EYS: variants seen among roughly 807,000 people sequenced by gnomAD.
EYS encodes EGF-like photoreceptor maintenance factor, also known as protein eyes shut homolog.
In EYS, 250 loss-of-function variants were observed where a neutral mutation model predicts 282.1. That is an observed-to-expected ratio of 0.89 (90% CI 0.80 to 0.98). The LOEUF (loss-of-function observed/expected upper bound fraction) is 0.98. Ranked by LOEUF, EYS falls within the 50% of genes least tolerant of loss-of-function variation. EYS has a pLI of 0.00. For synonymous variants in EYS, 1,355 were observed against 1,282.9 expected (o/e 1.06, Z -1.20); for missense variants, 4,016 against 3,709.0 (o/e 1.08, Z -2.15).
At chr6:64,919,429 T>TTC in intron 15 of EYS, among the ~76,000 whole-genome samples, 1 of 150,204 alleles carries the variant, frequency 6.7e-6, no homozygotes, top group Admixed American at 6.6e-5. Context: ...CTTTTTTTTT[T>TTC]TTTTGTGAGG....
Position 63,790,903 on chromosome 6 carries a change from A to G in EYS, c.7412-1679T>C, listed in dbSNP as rs143180822. Among the ~76,000 whole-genome samples, 7 of 152,214 alleles carry G rather than the reference A, an allele frequency of 4.6e-5. No individual in the cohort carries two copies. The East Asian group carries it at 1.2e-3, about 25-fold the overall frequency. On this transcript the variant is annotated intron_variant, in intron 37 of 42. Coordinates refer to ENST00000503581, the MANE Select transcript of EYS (RefSeq NM_001142800.2). ...CCGAGCTGTAAGGTAGTGGGAGGGCATATTCATTTCAGCTGTATCCTTCCT... is the reference window on the plus strand; with the variant it reads ...CCGAGCTGTAAGGTAGTGGGAGGGCGTATTCATTTCAGCTGTATCCTTCCT...
At chr6:65,236,900 C>T (rs1257075370) in intron 12 of EYS, among the ~76,000 whole-genome samples, 1 of 152,074 alleles carries the variant, frequency 6.6e-6, no homozygotes, top group African/African-American at 2.4e-5. Flanking sequence ...TTGGCCAATA[C>T]AATGAATGTG....
chr6:65,157,784 G>C (rs751971790), intron 12 of EYS, among the ~76,000 whole-genome samples: 2 of 149,962 alleles, frequency 1.3e-5, no homozygotes, highest in Non-Finnish European at 3.0e-5. Context: ...ATATTTTTAT[G>C]ACAGGTTTTT....
Position 65,057,663 on chromosome 6 carries a change from G to A in EYS, c.2088C>T (p.Cys696=). 1 of 1,551,156 alleles carries A rather than the reference G, an allele frequency of 6.4e-7. No homozygotes were observed. Among genetic ancestry groups the A allele is most frequent in the Non-Finnish European group, 8.7e-7 (1 of 1,146,638 alleles). ...ASHPCKNGAT[C]IDQPGNYFCQ... is the part of the protein sequence containing the mutation. ...AGAAGTAATTACCAGGTTGGTCAAT[G>A]CAGGTGGCTCCATTTTTGCAGGGAT... The change falls in exon 13 of 43, where the codon TGC becomes TGT. Residue 696 remains cysteine (C), a synonymous_variant. Coordinates refer to ENST00000503581, the MANE Select transcript of EYS (RefSeq NM_001142800.2).
chr6:64,610,144 T>C (rs1767062871), intron 24 of EYS, among the ~76,000 whole-genome samples: 2 of 152,038 alleles, frequency 1.3e-5, no homozygotes, highest in South Asian at 4.1e-4. Context: ...GTTCATGCTG[T>C]AAGTGAAGAA....
At chr6:64,660,470 T>C (rs1000238139) in intron 22 of EYS, among the ~76,000 whole-genome samples, 2 of 152,006 alleles carry the variant, frequency 1.3e-5, no homozygotes, top group African/African-American at 2.4e-5. Flanking sequence ...GATGACATGA[T>C]TTTATATCTA....
intron 30 of EYS, among the ~76,000 whole-genome samples, chr6:64,235,120 G>C (rs1780812439): frequency 6.7e-6 from 1 of 149,698 alleles, no homozygotes; most frequent in Non-Finnish European, 1.5e-5. Context: ...TTAAGTTTTA[G>C]GGTACATGTG....
Position 65,075,478 on chromosome 6 carries a change from A to C in EYS, c.2024-17751T>G, listed in dbSNP as rs567531009. On this transcript the variant is annotated intron_variant, in intron 12 of 42. Transcript: ENST00000503581. The stretch of plus-strand genomic sequence containing the variant: ...TAGTTGCTAATTTATGTGTTTTTCT[A>C]TATAGTTTTAGAATTACTAAAAGCT... Among the ~76,000 whole-genome samples, 60 of 152,134 alleles carry C rather than the reference A, an allele frequency of 3.9e-4. 1 individual carries two copies. In the East Asian group the frequency reaches 4.1e-3, roughly 10 times the overall value.
chr6:63,787,563 GT>G, intron 39 of EYS, among the ~76,000 whole-genome samples: 1 of 152,246 alleles, frequency 6.6e-6, no homozygotes, highest in South Asian at 2.1e-4. Context: ...TACATTTAGT[GT>G]TTATCTCTCC....
At chr6:65,535,856 C>T (rs958743809) in intron 2 of EYS, among the ~76,000 whole-genome samples, 3 of 151,888 alleles carry the variant, frequency 2.0e-5, no homozygotes, top group African/African-American at 7.3e-5. Context: ...TAATGTTGGC[C>T]CAAGTATCTG....
intron 2 of EYS, among the ~76,000 whole-genome samples, chr6:65,632,029 T>G (rs1766931620): frequency 6.6e-6 from 1 of 152,262 alleles, no homozygotes; most frequent in South Asian, 2.1e-4. Context: ...GTAAACAATA[T>G]GTCTTAGGTA....
chr6:64,312,584 A>C (rs1341599685), intron 29 of EYS, among the ~76,000 whole-genome samples: 1 of 152,180 alleles, frequency 6.6e-6, no homozygotes, highest in African/African-American at 2.4e-5. Context: ...TATCCTGACT[A>C]GGAGACATCT....
chr6:64,643,119 C>A (rs1364444176), intron 22 of EYS, among the ~76,000 whole-genome samples: 1 of 117,418 alleles, frequency 8.5e-6, no homozygotes, highest in Non-Finnish European at 1.8e-5. Flanking sequence ...CCATCCCCCC[C>A]CCCAAAAAAA....
At chr6:65,683,128 G>A (rs1375213185) in intron 1 of EYS, among the ~76,000 whole-genome samples, 1 of 151,920 alleles carries the variant, frequency 6.6e-6, no homozygotes, top group Non-Finnish European at 1.5e-5. Context: ...TACCCATGGT[G>A]TATTCATTTC....
At position 64,436,189 on chromosome 6, in the gene EYS, T is replaced by A. The variant is rs1379491155; in HGVS notation, c.5912A>T (p.Tyr1971Phe). The A allele has an allele frequency of 6.5e-7, 1 of 1,537,008 alleles. No individual in the cohort carries two copies. Among genetic ancestry groups the A allele is most frequent in the Admixed American group, 2.0e-5 (1 of 50,424 alleles). Residue 1971 changes from tyrosine (Y) to phenylalanine (F), a missense_variant, in exon 28 of 43, where the codon TAT becomes TTT. By Grantham distance (22) the Tyr-to-Phe change is conservative. Coordinates refer to ENST00000503581, the MANE Select transcript of EYS (RefSeq NM_001142800.2). ...ATTATCTTACCTGATAAGCAGTGTA[T>A]ACTTTTGCCCGTTGTCCACTCTAAC... ...TTVRVDNGQK[Y>F]TLLIRQELDP...
intron 31 of EYS, among the ~76,000 whole-genome samples, chr6:64,098,064 C>T (rs1165715287): frequency 6.6e-6 from 1 of 152,166 alleles, no homozygotes; most frequent in African/African-American, 2.4e-5. Context: ...ACTGTTACAT[C>T]TTACTGGGTC....
At chr6:65,110,303 A>C (rs1471182743) in intron 12 of EYS, among the ~76,000 whole-genome samples, 2 of 152,196 alleles carry the variant, frequency 1.3e-5, no homozygotes, top group South Asian at 4.1e-4. Context: ...AAAACAAAAG[A>C]ACTAACCAGG....
intron 36 of EYS, among the ~76,000 whole-genome samples, chr6:63,862,025 G>A (rs547375366): frequency 6.6e-6 from 1 of 152,170 alleles, no homozygotes; most frequent in South Asian, 2.1e-4. Context: ...TTTCCTCAGG[G>A]TCTTCCATTT....
intron 2 of EYS, among the ~76,000 whole-genome samples, chr6:65,628,814 C>T (rs1283100301): frequency 6.6e-6 from 1 of 152,144 alleles, no homozygotes; most frequent in Non-Finnish European, 1.5e-5. Context: ...CGCGAGGGTC[C>T]GCGGCTTCAT....
Sources: allele counts gnomAD v4.1 joint callset (sites outside exome capture counted in the v4.1 genomes callset), GRCh38; gene constraint gnomAD v4.1.1; transcripts MANE v1.5; gene names NCBI Gene and HGNC (gene_info 2026-07-23, HGNC 2026-07-21).